Variants in PIK3R5 observed in about 807,000 individuals in gnomAD.
PIK3R5 encodes phosphoinositide-3-kinase regulatory subunit 5.
A neutral mutation model predicts 94.9 loss-of-function variants in PIK3R5; 32 were observed. That is an observed-to-expected ratio of 0.34 (90% CI 0.25 to 0.45). The LOEUF (loss-of-function observed/expected upper bound fraction) is 0.45. PIK3R5 is among the 20% of genes least tolerant of loss of function. The probability of loss-of-function intolerance (pLI) is 1.00; values close to 1 mark genes in which losing one functional copy is unlikely to be tolerated. For synonymous variants in PIK3R5, 443 were observed against 479.4 expected (o/e 0.92, Z 0.99); for missense variants, 853 against 1,144.6 (o/e 0.75, Z 3.68).
intron 1 of PIK3R5, among the ~76,000 whole-genome samples, chr17:8,912,222 G>A (rs770562677): frequency 6.6e-6 from 1 of 152,134 alleles, no homozygotes; most frequent in South Asian, 2.1e-4. Flanking sequence ...GCCCCGTATG[G>A]GGAACTGAGA....
Position 8,880,529 on chromosome 17 carries a change from A to G in PIK3R5, c.*110T>C. ...TGCTCATTGCAGGACCCACAGTGGGACTATGGCTCTGCACAGGGCCATTCA... is the reference window on the plus strand; with the variant it reads ...TGCTCATTGCAGGACCCACAGTGGGGCTATGGCTCTGCACAGGGCCATTCA... On this transcript the variant is annotated 3_prime_UTR_variant, in exon 19 of 19. Coordinates refer to ENST00000447110, the MANE Select transcript of PIK3R5 (RefSeq NM_001142633.3). 1 of 1,116,384 alleles carries G rather than the reference A, an allele frequency of 9.0e-7. No individual in the cohort carries two copies. The highest frequency in any genetic ancestry group is 1.2e-6 in the Non-Finnish European group (1 of 811,144). The allele number at this position is 1,116,384 out of a possible 1,614,324, so 69.2% of individuals were successfully genotyped here.
At chr17:8,922,273 T>A (rs532730849) in intron 1 of PIK3R5, among the ~76,000 whole-genome samples, 3 of 152,166 alleles carry the variant, frequency 2.0e-5, no homozygotes, top group Non-Finnish European at 4.4e-5. Flanking sequence ...ATAATCATAA[T>A]TGATTATCAA....
At chr17:8,940,581 A>G (rs1213802448) in intron 1 of PIK3R5, among the ~76,000 whole-genome samples, 2 of 152,084 alleles carry the variant, frequency 1.3e-5, no homozygotes, top group Non-Finnish European at 2.9e-5. Context: ...TTGTTTTTAG[A>G]GACAAAGTTT....
At chr17:8,936,317 A>G (rs1204488374) in intron 1 of PIK3R5, among the ~76,000 whole-genome samples, 1 of 152,188 alleles carries the variant, frequency 6.6e-6, no homozygotes, top group African/African-American at 2.4e-5. Context: ...TTTGTGTTGT[A>G]CAATTCTATG....
In PIK3R5 at chr17:8,932,706, G is replaced by C. The variant is rs557278266; in HGVS notation, c.-13-21199C>G. ...AAACTAAAATATAGAAAATAAAAAA[G>C]GTTTTCAAAATATGAACAGAGCCTC... On this transcript the variant is annotated intron_variant, in intron 1 of 18. Transcript: ENST00000447110. Among the ~76,000 whole-genome samples the C allele has an allele frequency of 1.2e-4, 19 of 152,086 alleles. No individual in the cohort carries two copies. The East Asian group carries it at 3.7e-3, about 29-fold the overall frequency.
At chr17:8,958,615 A>G (rs2091503591) in intron 1 of PIK3R5, among the ~76,000 whole-genome samples, 1 of 152,224 alleles carries the variant, frequency 6.6e-6, no homozygotes, top group Admixed American at 6.5e-5. Context: ...CATCAGAGAA[A>G]CAAAGCCCCA....
At chr17:8,951,007 T>C (rs949238401) in intron 1 of PIK3R5, among the ~76,000 whole-genome samples, 1 of 152,186 alleles carries the variant, frequency 6.6e-6, no homozygotes, top group African/African-American at 2.4e-5. Context: ...TGGTGCGAGA[T>C]GGTATCTTGT....
At position 8,958,690 on chromosome 17, in the gene PIK3R5, A is replaced by C. The variant is rs149447707; in HGVS notation, c.-14+6906T>G. On this transcript the variant is annotated intron_variant, in intron 1 of 18. Transcript: ENST00000447110. The stretch of plus-strand genomic sequence containing the variant: ...TTTTGTGGCAAAGGAACAGTCATGC[A>C]TGCCTCTCTGATCCGTAGACTGTTT... Among the ~76,000 whole-genome samples the C allele has an allele frequency of 7.8e-3, 1,184 of 151,854 alleles. 6 individuals are homozygous for C. Among genetic ancestry groups the C allele is most frequent in the Non-Finnish European group, 0.012 (805 of 67,956 alleles).
chr17:8,905,816 C>T, intron 3 of PIK3R5, 79 bp from the exon 4 acceptor site: 1 of 800,980 alleles, frequency 1.2e-6, no homozygotes, highest in East Asian at 3.2e-5. Flanking sequence ...GTGGTTCTTC[C>T]TCATTCTAGC....
chr17:8,890,725 C>A lies in PIK3R5; in HGVS notation c.657+13G>T. On this transcript the variant is annotated intron_variant, in intron 7 of 18. Coordinates refer to ENST00000447110, the MANE Select transcript of PIK3R5 (RefSeq NM_001142633.3). This position sits in a 1 kb window ranked among gnomAD's most constrained non-coding sequence, Gnocchi z 6.1. ...GAGGTGCTCCACCAGAGCCCCAGGC[C>A]CCAGGTACATACCTGTAGCCTGCAG... The A allele has an allele frequency of 6.3e-7, 1 of 1,598,948 alleles. No homozygotes were observed. Among genetic ancestry groups the A allele is most frequent in the Non-Finnish European group, 8.5e-7 (1 of 1,172,842 alleles).
At chr17:8,885,537 C>T (rs1597372438) in intron 14 of PIK3R5, among the ~76,000 whole-genome samples, 1 of 144,218 alleles carries the variant, frequency 6.9e-6, no homozygotes, top group Non-Finnish European at 1.5e-5. Flanking sequence ...ATGGCCCTGC[C>T]TCCCGGTAAC....
At position 8,938,012 on chromosome 17, in the gene PIK3R5, T is replaced by C. The variant is rs572932398; in HGVS notation, c.-13-26505A>G. On this transcript the variant is annotated intron_variant, in intron 1 of 18. Coordinates refer to ENST00000447110, the MANE Select transcript of PIK3R5 (RefSeq NM_001142633.3). Reference sequence around the variant, plus strand: ...TTTTAGTAAAGACGGGGTTTCACCATGTTGGCCAGGCTGGTCTTGAACGCC... The same window carrying C: ...TTTTAGTAAAGACGGGGTTTCACCACGTTGGCCAGGCTGGTCTTGAACGCC... Among the ~76,000 whole-genome samples the C allele has an allele frequency of 2.9e-3, 447 of 152,322 alleles. 2 individuals are homozygous for C. The highest frequency in any genetic ancestry group is 3.5e-3 in the Non-Finnish European group (238 of 68,026).
At chr17:8,902,191 T>C (rs1406045082) in intron 5 of PIK3R5, among the ~76,000 whole-genome samples, 1 of 151,596 alleles carries the variant, frequency 6.6e-6, no homozygotes, top group East Asian at 1.9e-4. Context: ...TCCATAAGTG[T>C]ATTTGCCTAT....
chr17:8,939,962 G>T (rs1282303200), intron 1 of PIK3R5, among the ~76,000 whole-genome samples: 5 of 152,202 alleles, frequency 3.3e-5, no homozygotes, highest in Non-Finnish European at 5.9e-5. Context: ...TTCTCATGGT[G>T]GTCCCCATCT....
intron 1 of PIK3R5, among the ~76,000 whole-genome samples, chr17:8,913,319 T>C (rs1164214469): frequency 2.0e-5 from 3 of 151,982 alleles, no homozygotes; most frequent in Non-Finnish European, 4.4e-5. Context: ...GACCCAGGAG[T>C]ATATGCCAGG....
rs1205206201 is a variant in PIK3R5, at chr17:8,892,001, C to T, written c.483-1089G>A. The stretch of plus-strand genomic sequence containing the variant: ...AGTTAACAACGCACGGCTGTTCTCA[C>T]TTCCCCCATGCCAACCCCTCCATCA... On this transcript the variant is annotated intron_variant, in intron 6 of 18. Coordinates refer to ENST00000447110, the MANE Select transcript of PIK3R5 (RefSeq NM_001142633.3). The surrounding 1 kb of genome is among the most constrained non-coding windows in gnomAD (Gnocchi z 4.3). 6.6e-6 allele frequency among the ~76,000 whole-genome samples: 1 copy of T among 152,210 alleles called. No individual in the cohort carries two copies. The highest frequency in any genetic ancestry group is 1.5e-5 in the Non-Finnish European group (1 of 68,044).
intron 1 of PIK3R5, chr17:8,916,888 C>G (rs1346113847): frequency 6.6e-6 from 1 of 152,330 alleles, no homozygotes; most frequent in Non-Finnish European, 1.5e-5. Flanking sequence ...GCCTGCATCT[C>G]ATATGGAGGG....
In PIK3R5 at chr17:8,889,903, A is replaced by G. The variant is rs1409840950; in HGVS notation, c.811+70T>C. 5.8e-6 allele frequency: 9 copies of G among 1,557,402 alleles called. No homozygotes were observed. Among genetic ancestry groups the G allele is most frequent in the Non-Finnish European group, 7.9e-6 (9 of 1,133,246 alleles). ...GAGCAGAGCCACCAGGCCCGCCTGG[A>G]CCGTGCACCTTGGGACCTAGAATAG... On this transcript the variant is annotated intron_variant, in intron 8 of 18. Coordinates refer to ENST00000447110, the MANE Select transcript of PIK3R5 (RefSeq NM_001142633.3). The surrounding 1 kb of genome is among the most constrained non-coding windows in gnomAD (Gnocchi z 4.1).
At chr17:8,883,035 C>T (rs2089718831) in intron 15 of PIK3R5, among the ~76,000 whole-genome samples, 1 of 152,212 alleles carries the variant, frequency 6.6e-6, no homozygotes, top group African/African-American at 2.4e-5. Flanking sequence ...AAACATAAGC[C>T]CCCTTAATGG....
Sources: gnomAD v4.1 joint callset for allele counts (sites outside exome capture counted in the v4.1 genomes callset) on GRCh38, gnomAD v4.1.1 for gene constraint, Gnocchi (gnomAD v3.1) non-coding constraint, MANE v1.5 for transcripts, NCBI Gene and HGNC (gene_info 2026-07-23, HGNC 2026-07-21) for gene names.